Variants in UNC5A observed in about 807,000 individuals in gnomAD.
The protein encoded by UNC5A is unc-5 netrin receptor A.
Under a neutral mutation model 87.4 loss-of-function variants are expected in UNC5A, and 20 were observed. The observed-to-expected ratio is 0.23, with a 90% CI of 0.16 to 0.33. The LOEUF (loss-of-function observed/expected upper bound fraction) is 0.33, where lower values mean the gene tolerates loss of function less well. Ranked by LOEUF, UNC5A falls within the 10% of genes least tolerant of loss-of-function variation. UNC5A has a pLI of 1.00. For synonymous variants in UNC5A, 438 were observed against 482.3 expected (o/e 0.91, Z 1.20); for missense variants, 844 against 1,133.4 (o/e 0.74, Z 3.67).
In UNC5A at chr5:176,869,240, G is replaced by T. The variant is rs902007497; in HGVS notation, c.721+276G>T. ...GATGGGAATCTAGGAAAGGTGACAGGCTGTCCCCACTCCTGAGTCTCCAAG... is the reference window on the plus strand; with the variant it reads ...GATGGGAATCTAGGAAAGGTGACAGTCTGTCCCCACTCCTGAGTCTCCAAG... On this transcript the variant is annotated intron_variant, in intron 5 of 14. Coordinates refer to ENST00000329542, the MANE Select transcript of UNC5A (RefSeq NM_133369.3). This position sits in a 1 kb window ranked among gnomAD's most constrained non-coding sequence, Gnocchi z 9.1. 6.6e-6 allele frequency among the ~76,000 whole-genome samples: 1 copy of T among 152,142 alleles called. No homozygotes were observed. Among genetic ancestry groups the T allele is most frequent in the Non-Finnish European group, 1.5e-5 (1 of 67,994 alleles).
Position 176,810,959 on chromosome 5 carries a change from G to A in UNC5A, c.70+139G>A. 1 of 689,074 alleles carries A rather than the reference G, an allele frequency of 1.5e-6. No homozygotes were observed. The highest frequency in any genetic ancestry group is 1.9e-6 in the Non-Finnish European group (1 of 527,350). 42.7% of individuals were successfully genotyped at this position (689,074 alleles called of 1,614,324 possible). A position where few individuals can be genotyped will look rare whatever the true frequency, so the allele number is the denominator to read the frequency against. ...GGCCAAACTTTGCGAGGCGGGACGC[G>A]GGGGGCTCTTCTTGCTGCTGCGCAG... On this transcript the variant is annotated intron_variant, in intron 1 of 14. Transcript: ENST00000329542. The surrounding 1 kb of genome is among the most constrained non-coding windows in gnomAD (Gnocchi z 7.3).
chr5:176,813,209 C>T (rs2113575027), intron 1 of UNC5A, among the ~76,000 whole-genome samples: 1 of 152,364 alleles, frequency 6.6e-6, no homozygotes, highest in Admixed American at 6.5e-5. Context: ...ATGCAAACCC[C>T]CACCCTGCCC....
intron 1 of UNC5A, among the ~76,000 whole-genome samples, chr5:176,823,959 T>C (rs906627644): frequency 6.6e-6 from 1 of 152,108 alleles, no homozygotes; most frequent in Non-Finnish European, 1.5e-5. Flanking sequence ...CCTCCCGCCA[T>C]GGGGCCCTGG....
In UNC5A at chr5:176,880,725, G is replaced by A. The variant is rs138975226; in HGVS notation, c.*839G>A. 468 of 200,058 alleles carry A rather than the reference G, an allele frequency of 2.3e-3. 1 individual carries two copies. Among genetic ancestry groups the A allele is most frequent in the Non-Finnish European group, 3.5e-3 (344 of 99,506 alleles). The allele number at this position is 200,058 out of a possible 1,614,324, so 12.4% of individuals were successfully genotyped here. A position where few individuals can be genotyped will look rare whatever the true frequency, so the allele number is the denominator to read the frequency against. ...TGTGGCGTGGCGTGCCCGTCCCCAGGGCTGGCTGGTGCCCCACGCGGGGCC... is the reference window on the plus strand; with the variant it reads ...TGTGGCGTGGCGTGCCCGTCCCCAGAGCTGGCTGGTGCCCCACGCGGGGCC... On this transcript the variant is annotated 3_prime_UTR_variant, in exon 15 of 15. Transcript: ENST00000329542.
intron 1 of UNC5A, among the ~76,000 whole-genome samples, chr5:176,842,486 A>G (rs1204498887): frequency 2.0e-4 from 27 of 136,008 alleles, no homozygotes; most frequent in Admixed American, 1.8e-3. Context: ...CAAATGGAGA[A>G]ACTGTGATAT....
At chr5:176,879,262 G>A (rs141684113) in intron 13 of UNC5A, 48 bp from the exon 14 acceptor site, 71 of 1,524,176 alleles carry the variant, frequency 4.7e-5, no homozygotes, top group East Asian at 1.2e-4. Context: ...CGGTGGACCC[G>A]GGCCTGGGGA....
At chr5:176,879,660 G>A (rs1041709696) in intron 14 of UNC5A, 61 bp from the exon 15 acceptor site, 5 of 1,591,362 alleles carry the variant, frequency 3.1e-6, no homozygotes, top group South Asian at 1.1e-5. Flanking sequence ...TGGGCCAGGG[G>A]GGGCAGGAGG....
Position 176,838,045 on chromosome 5 carries a change from C to T in UNC5A, c.71-24579C>T, listed in dbSNP as rs1347936120. Among the ~76,000 whole-genome samples the T allele has an allele frequency of 6.6e-6, 1 of 152,224 alleles. No homozygotes were observed. Among genetic ancestry groups the T allele is most frequent in the Non-Finnish European group, 1.5e-5 (1 of 68,040 alleles). ...TGAACGGAATAGTCAAAAACTTGCC[C>T]TTTGGAGCCTCCATTCTTTGTGGTG... On this transcript the variant is annotated intron_variant, in intron 1 of 14. Coordinates refer to ENST00000329542, the MANE Select transcript of UNC5A (RefSeq NM_133369.3). The surrounding 1 kb of genome is among the most constrained non-coding windows in gnomAD (Gnocchi z 4.2).
At chr5:176,870,738 G>A (rs964036830) in intron 6 of UNC5A, among the ~76,000 whole-genome samples, 8 of 151,854 alleles carry the variant, frequency 5.3e-5, no homozygotes, top group South Asian at 2.1e-4. Flanking sequence ...CTCCTGAGAC[G>A]GGCACAGATT....
rs1484086027 is a variant in UNC5A at position 176,874,189 on chromosome 5, C to G, written c.1075+33C>G. On this transcript the variant is annotated intron_variant, in intron 7 of 14. Transcript: ENST00000329542. The surrounding 1 kb of genome is among the most constrained non-coding windows in gnomAD (Gnocchi z 7.6). ...GCCCCGTGCCCCCAGCACTCCTGCC[C>G]CAGCTCCCACGCCAAGGGCTGCTGG... is the stretch of plus-strand genomic sequence containing the variant. The G allele has an allele frequency of 6.2e-7, 1 of 1,605,314 alleles. No individual in the cohort carries two copies.
At chr5:176,830,418 T>G (rs111864493) in intron 1 of UNC5A, among the ~76,000 whole-genome samples, 2,251 of 145,784 alleles carry the variant, frequency 0.015, 55 homozygotes, top group African/African-American at 0.053. Context: ...CCAGTGCGTG[T>G]GTGTGCTGCT....
In UNC5A at chr5:176,867,576, G is replaced by A. The variant is rs138199500; in HGVS notation, c.293-554G>A. Among the ~76,000 whole-genome samples the A allele has an allele frequency of 2.9e-4, 44 of 152,348 alleles. No homozygotes were observed. In the East Asian group the frequency reaches 5.6e-3, roughly 19 times the overall value. ...TAAGACGACATCCCCATCCCGGCAC[G>A]TGGGAAACCCTAAGTCCCAGGGCGC... On this transcript the variant is annotated intron_variant, in intron 2 of 14. Coordinates refer to ENST00000329542, the MANE Select transcript of UNC5A (RefSeq NM_133369.3).
At chr5:176,811,606 A>AG (rs59777045) in intron 1 of UNC5A, among the ~76,000 whole-genome samples, 127,276 of 152,104 alleles carry the variant, frequency 0.84, 54,203 homozygotes, top group East Asian at 0.98. Flanking sequence ...TTCCCTTGGG[A>AG]GGGGCTTGGG....
rs902543584 is a variant in UNC5A at position 176,838,487 on chromosome 5, C to A, written c.71-24137C>A. 6.6e-6 allele frequency among the ~76,000 whole-genome samples: 1 copy of A among 152,280 alleles called. No homozygotes were observed. The highest frequency in any genetic ancestry group is 1.5e-5 in the Non-Finnish European group (1 of 68,056). ...GCAGTATGAAAGAAAACTCGACTCA[C>A]ACAGACTTAAACACATTTACTAAGT... is the stretch of plus-strand genomic sequence containing the variant. On this transcript the variant is annotated intron_variant, in intron 1 of 14. Transcript: ENST00000329542. The surrounding 1 kb of genome is among the most constrained non-coding windows in gnomAD (Gnocchi z 4.2).
At chr5:176,854,880 G>A (rs763035529) in intron 1 of UNC5A, among the ~76,000 whole-genome samples, 11 of 152,218 alleles carry the variant, frequency 7.2e-5, no homozygotes, top group Non-Finnish European at 1.0e-4. Flanking sequence ...GGGTGACTTC[G>A]GTAAGGGACT....
chr5:176,860,434 C>A (rs1757806659), intron 1 of UNC5A, among the ~76,000 whole-genome samples: 1 of 152,186 alleles, frequency 6.6e-6, no homozygotes, highest in Non-Finnish European at 1.5e-5. Flanking sequence ...TTCTCCAGAC[C>A]GTGGGAGGAC....
chr5:176,876,125 C>CT (rs1242094942), intron 8 of UNC5A, among the ~76,000 whole-genome samples: 1 of 152,226 alleles, frequency 6.6e-6, no homozygotes, highest in Non-Finnish European at 1.5e-5. Flanking sequence ...TGTGGTTTTC[C>CT]TTCGCCGTCC....
chr5:176,835,516 C>G (rs1757131927), intron 1 of UNC5A, among the ~76,000 whole-genome samples: 1 of 152,268 alleles, frequency 6.6e-6, no homozygotes, highest in Admixed American at 6.5e-5. Flanking sequence ...ACTCATCGCT[C>G]CCTGTGCTGG....
In UNC5A at chr5:176,838,981, T is replaced by C. The variant is rs2962836; in HGVS notation, c.71-23643T>C. ...ATCTCCAAAGAAAATGGGGCTGTTA[T>C]TTTGGGAAAAGAGGAGCTGGAGCTG... On this transcript the variant is annotated intron_variant, in intron 1 of 14. Coordinates refer to ENST00000329542, the MANE Select transcript of UNC5A (RefSeq NM_133369.3). The surrounding 1 kb of genome is among the most constrained non-coding windows in gnomAD (Gnocchi z 4.2). Among the ~76,000 whole-genome samples, 131,453 of 152,182 alleles carry C rather than the reference T, an allele frequency of 0.86. 58,994 individuals carry two copies. Among genetic ancestry groups the C allele is most frequent in the East Asian group, 1 (5,171 of 5,178 alleles).
Sources: allele counts gnomAD v4.1 joint callset (sites outside exome capture counted in the v4.1 genomes callset), GRCh38; gene constraint gnomAD v4.1.1; non-coding constraint Gnocchi (gnomAD v3.1); transcripts MANE v1.5; gene names NCBI Gene and HGNC (gene_info 2026-07-23, HGNC 2026-07-21).